ITGB8: variants seen among roughly 807,000 people sequenced by gnomAD.
ITGB8 encodes the protein integrin beta-8.
Under a neutral mutation model 89.5 loss-of-function variants are expected in ITGB8, and 30 were observed. That is an observed-to-expected ratio of 0.34 (90% CI 0.25 to 0.45). The LOEUF is 0.45. ITGB8 is among the 20% of genes least tolerant of loss of function. The pLI, the probability that ITGB8 is intolerant of heterozygous loss-of-function variation, is 1.00. For synonymous variants in ITGB8, 335 were observed against 320.4 expected, an observed-to-expected ratio of 1.05 and a Z score of -0.49; for missense variants, 836 against 933.3, an observed-to-expected ratio of 0.90 and a Z score of 1.36.
chr7:20,374,242 C>T (rs114953038), intron 3 of ITGB8, among the ~76,000 whole-genome samples: 4,818 of 152,178 alleles, frequency 0.032, 262 homozygotes, highest in African/African-American at 0.11. Flanking sequence ...CTGTAGTAAA[C>T]ATGTGGGCCC....
rs986130962 is a variant in ITGB8 at position 20,402,200 on chromosome 7, T to C, written c.1687+74T>C. 1.1e-5 allele frequency: 14 copies of C among 1,291,608 alleles called. No individual in the cohort carries two copies. The African/African-American group carries it at 2.1e-4, about 19-fold the overall frequency. 80.0% of individuals were successfully genotyped at this position (1,291,608 alleles called of 1,614,324 possible). A position where few individuals can be genotyped will look rare whatever the true frequency, so the allele number is the denominator to read the frequency against. On this transcript the variant is annotated intron_variant, in intron 10 of 13. Coordinates refer to ENST00000222573, the MANE Select transcript of ITGB8 (RefSeq NM_002214.3). ...GCATAGATGTTAAAGTGTCTTTAAATCACATGTTTATAAATTAGCAAAACT... is the reference window on the plus strand; with the variant it reads ...GCATAGATGTTAAAGTGTCTTTAAACCACATGTTTATAAATTAGCAAAACT...
At position 20,410,117 on chromosome 7, in the gene ITGB8, T is replaced by C; in HGVS notation, c.*120T>C. On this transcript the variant is annotated 3_prime_UTR_variant, in exon 14 of 14. Coordinates refer to ENST00000222573, the MANE Select transcript of ITGB8 (RefSeq NM_002214.3). The stretch of plus-strand genomic sequence containing the variant: ...TCACGGTCATGCCAGTTGCTGGTTG[T>C]ACACTCGAACGAAGACTGACAAGTA... 1 of 984,550 alleles carries C rather than the reference T, an allele frequency of 1.0e-6. No individual in the cohort carries two copies. Among genetic ancestry groups the C allele is most frequent in the East Asian group, 2.5e-5 (1 of 40,460 alleles). The allele number at this position is 984,550 out of a possible 1,614,324, so 61.0% of individuals were successfully genotyped here.
intron 1 of ITGB8, among the ~76,000 whole-genome samples, chr7:20,347,490 T>A (rs1784967122): frequency 6.6e-6 from 1 of 152,090 alleles, no homozygotes; most frequent in Non-Finnish European, 1.5e-5. Flanking sequence ...GAGTGAGAAA[T>A]ACTAAAGACA....
At chr7:20,349,234 T>G (rs974056029) in intron 1 of ITGB8, among the ~76,000 whole-genome samples, 1 of 152,034 alleles carries the variant, frequency 6.6e-6, no homozygotes, top group African/African-American at 2.4e-5. Context: ...ATATTTGGCA[T>G]TGAGGATAGA....
chr7:20,374,264 G>A (rs1302690437), intron 3 of ITGB8, among the ~76,000 whole-genome samples: 1 of 152,064 alleles, frequency 6.6e-6, no homozygotes, highest in Non-Finnish European at 1.5e-5. Context: ...TTAAAATGTT[G>A]AACCAAAATG....
chr7:20,397,175 C>T (rs74831084), intron 8 of ITGB8, among the ~76,000 whole-genome samples: 2 of 151,674 alleles, frequency 1.3e-5, no homozygotes, highest in East Asian at 1.9e-4. Flanking sequence ...TTTGTCTTCA[C>T]ATCAGGCTTG....
intron 9 of ITGB8, 53 bp downstream of exon 9, chr7:20,399,047 CT>C: frequency 1.3e-6 from 2 of 1,560,758 alleles, no homozygotes; most frequent in Non-Finnish European, 1.7e-6. Flanking sequence ...GTTTGGCGTA[CT>C]TTCTTACAGA....
At chr7:20,337,835 C>A (rs1274242128) in intron 1 of ITGB8, among the ~76,000 whole-genome samples, 2 of 152,232 alleles carry the variant, frequency 1.3e-5, no homozygotes, top group African/African-American at 2.4e-5. Flanking sequence ...AAGTCTGTCA[C>A]CCCCTCTAGA....
intron 12 of ITGB8, among the ~76,000 whole-genome samples, chr7:20,408,782 G>A (rs1223315072): frequency 6.6e-6 from 1 of 152,096 alleles, no homozygotes; most frequent in African/African-American, 2.4e-5. Flanking sequence ...CAGATCTTTG[G>A]CTGTGAGGGT....
chr7:20,365,437 T>G (rs1785656733), intron 2 of ITGB8: 1 of 152,186 alleles, frequency 6.6e-6, no homozygotes, highest in African/African-American at 2.4e-5. Context: ...GTTTCTAATG[T>G]TATAAACTTG....
At chr7:20,397,485 C>T (rs1412293834) in intron 8 of ITGB8, among the ~76,000 whole-genome samples, 2 of 152,108 alleles carry the variant, frequency 1.3e-5, no homozygotes, top group African/African-American at 4.8e-5. Context: ...CTCAGCCTCC[C>T]AAAGAGCTGG....
chr7:20,380,956 T>C, intron 5 of ITGB8, 125 bp downstream of exon 5: 1 of 770,848 alleles, frequency 1.3e-6, no homozygotes, highest in Non-Finnish European at 2.1e-6. Context: ...TCTTACTATC[T>C]CTTACTCCTC....
chr7:20,362,089 G>A (rs1785524355), intron 1 of ITGB8, among the ~76,000 whole-genome samples: 1 of 152,166 alleles, frequency 6.6e-6, no homozygotes, highest in Admixed American at 6.5e-5. Flanking sequence ...TACTACCCCA[G>A]TTAGCACTTC....
At chr7:20,346,854 G>C in intron 1 of ITGB8, 1 of 985,384 alleles carries the variant, frequency 1.0e-6, no homozygotes, top group Non-Finnish European at 1.2e-6. Flanking sequence ...GAGCACCTTG[G>C]AGTTAATGGC....
Position 20,410,810 on chromosome 7 carries a change from A to G in ITGB8, c.*813A>G, listed in dbSNP as rs191056740. 6.5e-6 allele frequency: 1 copy of G among 152,796 alleles called. No homozygotes were observed. The highest frequency in any genetic ancestry group is 6.5e-5 in the Admixed American group (1 of 15,302). 9.5% of individuals were successfully genotyped at this position (152,796 alleles called of 1,614,324 possible). On this transcript the variant is annotated 3_prime_UTR_variant, in exon 14 of 14. Transcript: ENST00000222573. Reference sequence around the variant, plus strand: ...GCTGAATGTTAATAGGGGACACTGTAAAGTATCATCAAAACCTGAATAGCT... The same window carrying G: ...GCTGAATGTTAATAGGGGACACTGTGAAGTATCATCAAAACCTGAATAGCT...
Position 20,401,853 on chromosome 7 carries a change from G to A in ITGB8, c.1414G>A (p.Glu472Lys), listed in dbSNP as rs764769444. ...ACACAGAAACTGCAGCTGTCAGTGT[G>A]AGGACAACAGAGGACCTAAAGGAAA... ...HIHRNCSCQCEDNRGPKGKCV... is the reference protein window; with the variant it reads ...HIHRNCSCQCKDNRGPKGKCV... Residue 472 changes from glutamate (E) to lysine (K), a missense_variant, in exon 10 of 14, where the codon GAG becomes AAG. Glu to Lys is a moderately conservative substitution (Grantham distance 56, BLOSUM62 1). Transcript: ENST00000222573. The A allele has an allele frequency of 9.3e-6, 15 of 1,613,858 alleles. No individual in the cohort carries two copies. In the Admixed American group the frequency reaches 2.3e-4, roughly 25 times the overall value.
chr7:20,347,113 G>T (rs748586078), intron 1 of ITGB8, among the ~76,000 whole-genome samples: 8 of 152,106 alleles, frequency 5.3e-5, no homozygotes, highest in African/African-American at 1.9e-4. Context: ...AGGCTCCCTC[G>T]CCATACCACC....
chr7:20,397,338 T>C (rs763588797), intron 8 of ITGB8, among the ~76,000 whole-genome samples: 3 of 152,184 alleles, frequency 2.0e-5, no homozygotes, highest in Non-Finnish European at 2.9e-5. Flanking sequence ...GTGATTGTCC[T>C]GCCTCAAGCT....
Position 20,410,475 on chromosome 7 carries a change from C to T in ITGB8, c.*478C>T, listed in dbSNP as rs1787721338. The T allele has an allele frequency of 6.5e-6, 1 of 154,614 alleles. No homozygotes were observed. The highest frequency in any genetic ancestry group is 2.4e-5 in the African/African-American group (1 of 41,466). The allele number at this position is 154,614 out of a possible 1,614,324, so 9.6% of individuals were successfully genotyped here. A position where few individuals can be genotyped will look rare whatever the true frequency, so the allele number is the denominator to read the frequency against. On this transcript the variant is annotated 3_prime_UTR_variant, in exon 14 of 14. Transcript: ENST00000222573. ...CTTCAACAGTTGGTGGTTGAATAGA[C>T]AAGAACAGCTAGATGAATAAATGAT...
Sources: allele counts gnomAD v4.1 joint callset (sites outside exome capture counted in the v4.1 genomes callset), GRCh38; gene constraint gnomAD v4.1.1; transcripts MANE v1.5; gene names NCBI Gene and HGNC (gene_info 2026-07-23, HGNC 2026-07-21).